PARD3: variants seen among roughly 807,000 people sequenced by gnomAD.
PARD3 encodes par-3 family cell polarity regulator, also known as partitioning defective 3 homolog.
Under a neutral mutation model 155.4 loss-of-function variants are expected in PARD3, and 75 were observed. That is an observed-to-expected ratio of 0.48 (90% CI 0.40 to 0.58). PARD3 has a LOEUF of 0.58. PARD3 is among the 20% of genes least tolerant of loss of function. The pLI, the probability that PARD3 is intolerant of heterozygous loss-of-function variation, is 0.00. For missense variants in PARD3, 1,642 were observed against 1,721.7 expected (o/e 0.95, Z 0.82); for synonymous variants, 576 against 610.5 (o/e 0.94, Z 0.83).
chr10:34,417,951 T>A (rs1282995502), intron 5 of PARD3, among the ~76,000 whole-genome samples: 1 of 152,146 alleles, frequency 6.6e-6, no homozygotes, highest in East Asian at 1.9e-4. Context: ...AACATCTTTT[T>A]TCAGTAAAAG....
At chr10:34,566,486 T>C (rs777617583) in intron 2 of PARD3, among the ~76,000 whole-genome samples, 4 of 152,182 alleles carry the variant, frequency 2.6e-5, no homozygotes, top group African/African-American at 4.8e-5. Flanking sequence ...ATGACTAAAA[T>C]GCATGGTAAA....
In PARD3 at chr10:34,341,825, T is replaced by C. The variant is rs747540734; in HGVS notation, c.2219-9A>G. Reference sequence around the variant, plus strand: ...GGACAGCTGGTATTTACCTGTCCAGTGAAAAAAGAAGAAGAGAAAATTCTA... The same window carrying C: ...GGACAGCTGGTATTTACCTGTCCAGCGAAAAAAGAAGAAGAGAAAATTCTA... On this transcript the variant is annotated splice_polypyrimidine_tract_variant and intron_variant, in intron 15 of 24. Coordinates refer to ENST00000374788, the MANE Select transcript of PARD3 (RefSeq NM_001184785.2). 1 of 1,556,762 alleles carries C rather than the reference T, an allele frequency of 6.4e-7. No individual in the cohort carries two copies. The highest frequency in any genetic ancestry group is 1.9e-5 in the Admixed American group (1 of 52,150).
chr10:34,361,840 A>G (rs1839473006), intron 12 of PARD3, among the ~76,000 whole-genome samples: 1 of 152,204 alleles, frequency 6.6e-6, no homozygotes, highest in African/African-American at 2.4e-5. Flanking sequence ...GTTAAAAAAA[A>G]AATTAAAACT....
In PARD3 at chr10:34,193,611, C is replaced by T. The variant is rs1193885343; in HGVS notation, c.3420-62028G>A. Among the ~76,000 whole-genome samples the T allele has an allele frequency of 2.0e-5, 3 of 152,214 alleles. No individual in the cohort carries two copies. In the East Asian group the frequency reaches 5.8e-4, roughly 29 times the overall value. On this transcript the variant is annotated intron_variant, in intron 22 of 24. Coordinates refer to ENST00000374788, the MANE Select transcript of PARD3 (RefSeq NM_001184785.2). The stretch of plus-strand genomic sequence containing the variant: ...ATAAGGACATATTTGATCAATTCTG[C>T]TCTAAAGATTCATTCAATTTAAAAC...
chr10:34,511,585 CT>C (rs2133561612), intron 3 of PARD3, among the ~76,000 whole-genome samples: 1 of 152,248 alleles, frequency 6.6e-6, no homozygotes, highest in East Asian at 1.9e-4. Context: ...ACTTCAAGCT[CT>C]TTTTATACTA....
chr10:34,504,429 T>TA (rs57691806), intron 3 of PARD3, among the ~76,000 whole-genome samples: 66,346 of 132,492 alleles, frequency 0.5, 18,311 homozygotes, highest in African/African-American at 0.79. Flanking sequence ...TCCCCAAGAT[T>TA]AAAAAAAAAA....
chr10:34,314,495 T>C (rs912463791), intron 20 of PARD3, among the ~76,000 whole-genome samples: 2 of 152,204 alleles, frequency 1.3e-5, no homozygotes, highest in African/African-American at 4.8e-5. Flanking sequence ...TGCAATCTGA[T>C]AGAACCCAGC....
intron 2 of PARD3, among the ~76,000 whole-genome samples, chr10:34,685,297 A>C (rs1270270468): frequency 6.6e-6 from 1 of 152,218 alleles, no homozygotes; most frequent in African/African-American, 2.4e-5. Flanking sequence ...TTCAGAAAAC[A>C]CTGCTTCTTT....
chr10:34,517,497 T>C (rs908877907), intron 2 of PARD3, among the ~76,000 whole-genome samples: 2 of 152,174 alleles, frequency 1.3e-5, no homozygotes, highest in Non-Finnish European at 2.9e-5. Context: ...AAAGTGTGTA[T>C]ATATATGAGT....
chr10:34,139,119 TTCAAAGTCC>T (rs1948054662), intron 22 of PARD3, among the ~76,000 whole-genome samples: 1 of 152,214 alleles, frequency 6.6e-6, no homozygotes, highest in South Asian at 2.1e-4. Flanking sequence ...CCAGCCAGCA[TTCAAAGTCC>T]TACAACTTAA....
intron 22 of PARD3, among the ~76,000 whole-genome samples, chr10:34,134,064 C>CA (rs1947757634): frequency 6.6e-6 from 1 of 152,214 alleles, no homozygotes. Context: ...CACGTCACTT[C>CA]AAAATGTCCC....
chr10:34,579,552 C>CTGTGTGTG lies in PARD3; in HGVS notation c.223-62394_223-62393insCACACACA, dbSNP rs1316450167. Among the ~76,000 whole-genome samples, 118 of 62,504 alleles carry CTGTGTGTG rather than the reference C, an allele frequency of 1.9e-3. 1 individual carries two copies. Among genetic ancestry groups the CTGTGTGTG allele is most frequent in the African/African-American group, 6.0e-3 (104 of 17,444 alleles). 41.0% of individuals were successfully genotyped at this position (62,504 alleles called of 152,430 possible). ...CTAAATAAATAAAAGCTACCATTTT[C>CTGTGTGTG]TCTGTGTGTGTGTGTGTGTGTGTGT... On this transcript the variant is annotated intron_variant, in intron 2 of 24. Coordinates refer to ENST00000374788, the MANE Select transcript of PARD3 (RefSeq NM_001184785.2).
intron 14 of PARD3, among the ~76,000 whole-genome samples, chr10:34,353,160 C>T (rs553693813): frequency 5.5e-4 from 84 of 152,112 alleles, no homozygotes; most frequent in East Asian, 2.1e-3. Context: ...CCAGCCGCCC[C>T]GTCCGGGAGG....
chr10:34,135,968 A>C (rs905088897), intron 22 of PARD3, among the ~76,000 whole-genome samples: 1 of 152,208 alleles, frequency 6.6e-6, no homozygotes, highest in Non-Finnish European at 1.5e-5. Flanking sequence ...GTTGCTTCTT[A>C]TTTAAGAGAA....
At chr10:34,275,822 C>T (rs878948225) in intron 21 of PARD3, among the ~76,000 whole-genome samples, 2 of 152,060 alleles carry the variant, frequency 1.3e-5, no homozygotes, top group Admixed American at 1.3e-4. Flanking sequence ...TAAAAGCATA[C>T]CCCCTTTACT....
At chr10:34,661,923 C>G (rs1279861835) in intron 2 of PARD3, among the ~76,000 whole-genome samples, 1 of 152,126 alleles carries the variant, frequency 6.6e-6, no homozygotes, top group Non-Finnish European at 1.5e-5. Context: ...AAGAAAGAGG[C>G]AGATTTCTAC....
intron 2 of PARD3, among the ~76,000 whole-genome samples, chr10:34,530,119 G>C (rs578037738): frequency 6.6e-6 from 1 of 152,126 alleles, no homozygotes; most frequent in Non-Finnish European, 1.5e-5. Flanking sequence ...AGAAGAGGAG[G>C]GGTTGGTCTT....
rs989058064 is a variant in PARD3 at position 34,644,274 on chromosome 10, T to C, written c.222+52044A>G. On this transcript the variant is annotated intron_variant, in intron 2 of 24. Coordinates refer to ENST00000374788, the MANE Select transcript of PARD3 (RefSeq NM_001184785.2). ...CCTGCAGCTGAAAACTGATAAAACA[T>C]AGAGAGGGACCCAAAGGACACAAAG... Among the ~76,000 whole-genome samples, 6 of 152,282 alleles carry C rather than the reference T, an allele frequency of 3.9e-5. No homozygotes were observed. The East Asian group carries it at 5.8e-4, about 15-fold the overall frequency.
chr10:34,202,310 C>T (rs1189451221), intron 22 of PARD3, among the ~76,000 whole-genome samples: 4 of 152,222 alleles, frequency 2.6e-5, no homozygotes, highest in Non-Finnish European at 4.4e-5. Flanking sequence ...TGGCTTCAAG[C>T]AATCCTCCAG....
Sources: gnomAD v4.1 joint callset for allele counts (sites outside exome capture counted in the v4.1 genomes callset) on GRCh38, gnomAD v4.1.1 for gene constraint, MANE v1.5 for transcripts, NCBI Gene and HGNC (gene_info 2026-07-23, HGNC 2026-07-21) for gene names.